The following PACS1 variants were observed in gnomAD, a reference collection of about 807,000 sequenced individuals.
The protein encoded by PACS1 is phosphofurin acidic cluster sorting protein 1, also known as PACS-1.
Under a neutral mutation model 115.0 loss-of-function variants are expected in PACS1, and 24 were observed. The observed-to-expected ratio is 0.21, with a 90% CI of 0.15 to 0.29. The LOEUF (loss-of-function observed/expected upper bound fraction) is 0.29, where lower values mean the gene tolerates loss of function less well. PACS1 is among the 10% of genes least tolerant of loss of function. The probability of loss-of-function intolerance (pLI) is 1.00; values close to 1 mark genes in which losing one functional copy is unlikely to be tolerated. For missense variants in PACS1, 838 were observed against 1,251.2 expected, an observed-to-expected ratio of 0.67 and a Z score of 4.98; for synonymous variants, 453 against 504.5, an observed-to-expected ratio of 0.90 and a Z score of 1.37.
chr11:66,113,468 G>C (rs1262633446), intron 1 of PACS1, among the ~76,000 whole-genome samples: 1 of 152,138 alleles, frequency 6.6e-6, no homozygotes, highest in Admixed American at 6.5e-5. Flanking sequence ...TACCATCAAG[G>C]CTAGTTGGGT....
intron 1 of PACS1, among the ~76,000 whole-genome samples, chr11:66,181,273 G>A (rs959918848): frequency 6.6e-6 from 1 of 150,388 alleles, no homozygotes; most frequent in Non-Finnish European, 1.5e-5. Context: ...GTGCAGTGTC[G>A]GGATCTCAGC....
At chr11:66,128,134 A>G (rs985173639) in intron 1 of PACS1, among the ~76,000 whole-genome samples, 5 of 152,218 alleles carry the variant, frequency 3.3e-5, no homozygotes, top group Non-Finnish European at 7.3e-5. Context: ...GAATGAACCA[A>G]TAGTCATATA....
intron 4 of PACS1, among the ~76,000 whole-genome samples, chr11:66,214,918 G>A (rs1264529155): frequency 2.0e-5 from 3 of 151,644 alleles, no homozygotes; most frequent in South Asian, 2.1e-4. Flanking sequence ...TACTGTGCCC[G>A]GCCAAGCAAC....
chr11:66,232,368 G>T, intron 14 of PACS1, 92 bp downstream of exon 14: 1 of 726,810 alleles, frequency 1.4e-6, no homozygotes, highest in Non-Finnish European at 2.4e-6. Flanking sequence ...TATTGCGTGG[G>T]GAGGTGGGGA....
Position 66,070,605 on chromosome 11 carries a change from A to AGCC in PACS1, c.125_127dup (p.Pro42dup), listed in dbSNP as rs1411370298. On this transcript the variant is annotated inframe_insertion, in exon 1 of 24. Coordinates refer to ENST00000320580, the MANE Select transcript of PACS1 (RefSeq NM_018026.4). This position sits in a 1 kb window ranked among gnomAD's most constrained non-coding sequence, Gnocchi z 5.9. The stretch of plus-strand genomic sequence containing the variant: ...CCGCCGCCGCAGCAGCAGCAGCAGC[A>AGCC]GCCGCCGCAGCAGCCGACGCCCCCC... 10 of 1,519,124 alleles carry AGCC rather than the reference A, an allele frequency of 6.6e-6. No individual in the cohort carries two copies. The highest frequency in any genetic ancestry group is 1.4e-5 in the African/African-American group (1 of 69,478). 94.1% of individuals were successfully genotyped at this position (1,519,124 alleles called of 1,614,324 possible).
chr11:66,164,693 C>T (rs1231000894), intron 1 of PACS1, among the ~76,000 whole-genome samples: 15 of 142,630 alleles, frequency 1.1e-4, no homozygotes, highest in African/African-American at 4.0e-4. Context: ...AAGTGATCCT[C>T]CTGCCTCAGC....
chr11:66,070,665 C>T lies in PACS1; in HGVS notation c.179C>T (p.Thr60Ile). Residue 60 changes from threonine to isoleucine, a missense_variant, in exon 1 of 24, where the codon ACC (threonine) becomes ATC (isoleucine). Physicochemically the swap from Thr to Ile is moderately conservative, Grantham distance 89 (BLOSUM62 -1). Coordinates refer to ENST00000320580, the MANE Select transcript of PACS1 (RefSeq NM_018026.4). This position sits in a 1 kb window ranked among gnomAD's most constrained non-coding sequence, Gnocchi z 5.9. ...LAQATSSSSS[T>I]SAAAASSSSS... ...CAGGCCACCTCGTCGTCCTCGTCCA[C>T]CTCGGCGGCGGCTGCCTCCTCCTCG... The T allele has an allele frequency of 1.9e-6, 3 of 1,570,892 alleles. No individual in the cohort carries two copies. Among genetic ancestry groups the T allele is most frequent in the Non-Finnish European group, 2.6e-6 (3 of 1,165,248 alleles).
At chr11:66,105,112 A>G (rs1858005122) in intron 1 of PACS1, among the ~76,000 whole-genome samples, 1 of 152,166 alleles carries the variant, frequency 6.6e-6, no homozygotes, top group Admixed American at 6.5e-5. Context: ...ACAATGGAGT[A>G]TTAAGCAGCA....
chr11:66,230,588 G>A lies in PACS1; in HGVS notation c.1415G>A (p.Ser472Asn). 1 of 1,614,144 alleles carries A rather than the reference G, an allele frequency of 6.2e-7. No individual in the cohort carries two copies. Among genetic ancestry groups the A allele is most frequent in the African/African-American group, 1.3e-5 (1 of 75,040 alleles). Residue 472 changes from serine to asparagine, a missense_variant, in exon 12 of 24, where the codon AGT becomes AAT. Physicochemically the swap from Ser to Asn is conservative, Grantham distance 46. This residue lies in a region of PACS1 where 383 missense variants were observed against 537.0 expected (regional missense o/e 0.71). Coordinates refer to ENST00000320580, the MANE Select transcript of PACS1 (RefSeq NM_018026.4). ...DQDMFGDAST[S>N]LVVPEKVKTP... ...GACATGTTTGGAGATGCCAGCACGA[G>A]TCTGGTTGTGCCGGAGAAAGTCAAA...
chr11:66,235,504 A>G lies in PACS1; in HGVS notation c.2207+101A>G. ...CACATTTTCCTTCTCCACATGCTATATTCCTTCATAGGAACCCAAAAGGAT... is the reference window on the plus strand; with the variant it reads ...CACATTTTCCTTCTCCACATGCTATGTTCCTTCATAGGAACCCAAAAGGAT... On this transcript the variant is annotated intron_variant, in intron 18 of 23. Transcript: ENST00000320580. This position sits in a 1 kb window ranked among gnomAD's most constrained non-coding sequence, Gnocchi z 5.6. 1.2e-6 allele frequency: 1 copy of G among 859,616 alleles called. No individual in the cohort carries two copies. 53.2% of individuals were successfully genotyped at this position (859,616 alleles called of 1,614,324 possible).
chr11:66,139,292 G>C (rs1000539814), intron 1 of PACS1, among the ~76,000 whole-genome samples: 2 of 152,172 alleles, frequency 1.3e-5, no homozygotes, highest in Non-Finnish European at 2.9e-5. Context: ...ATGAGGGTAA[G>C]TGGGGTGTCC....
chr11:66,079,069 G>A (rs1344277303), intron 1 of PACS1, among the ~76,000 whole-genome samples: 8 of 152,074 alleles, frequency 5.3e-5, no homozygotes, highest in Admixed American at 2.0e-4. Context: ...CACCATGCCC[G>A]ACTAATTTTT....
chr11:66,218,690 T>G (rs1855270282), intron 7 of PACS1: 1 of 151,882 alleles, frequency 6.6e-6, no homozygotes, highest in South Asian at 2.1e-4. Flanking sequence ...TGAAACCCCG[T>G]CTCTACTAAA....
At chr11:66,117,692 C>A (rs1858335891) in intron 1 of PACS1, among the ~76,000 whole-genome samples, 1 of 151,308 alleles carries the variant, frequency 6.6e-6, no homozygotes, top group South Asian at 2.1e-4. Flanking sequence ...ACTAAAAATA[C>A]AAAATTAGCT....
chr11:66,166,984 GATGA>G (rs1342655411), intron 1 of PACS1, among the ~76,000 whole-genome samples: 3 of 150,324 alleles, frequency 2.0e-5, no homozygotes, highest in Non-Finnish European at 4.4e-5. Flanking sequence ...AGCCTCAAAA[GATGA>G]TGCCTAATAG....
intron 2 of PACS1, among the ~76,000 whole-genome samples, chr11:66,202,681 G>T (rs1007015062): frequency 7.8e-6 from 1 of 128,462 alleles, no homozygotes; most frequent in African/African-American, 3.0e-5. Flanking sequence ...TTGAGGCCAA[G>T]AATTTGAGAC....
At position 66,232,201 on chromosome 11, in the gene PACS1, C is replaced by T. The variant is rs1325094222; in HGVS notation, c.1656C>T (p.Leu552=). 6.2e-7 allele frequency: 1 copy of T among 1,612,860 alleles called. No individual in the cohort carries two copies. The part of the protein sequence containing the change: ...QIPRKVVYDQ[L]NQILVSDAAL... ...CAAGAAAGGTGGTGTATGACCAGCT[C>T]AATCAGATCCTGGTGTCAGATGCAG... The change falls in exon 14 of 24, where the codon CTC becomes CTT. Residue 552 remains leucine, a synonymous_variant. Transcript: ENST00000320580.
At chr11:66,162,119 T>G (rs1196882794) in intron 1 of PACS1, among the ~76,000 whole-genome samples, 2 of 120,234 alleles carry the variant, frequency 1.7e-5, no homozygotes, top group Non-Finnish European at 3.6e-5. Context: ...GTGGTTTTTT[T>G]TTTTTTTTTT....
intron 1 of PACS1, among the ~76,000 whole-genome samples, chr11:66,101,206 CACTT>C (rs1450620267): frequency 6.6e-6 from 1 of 152,082 alleles, no homozygotes; most frequent in African/African-American, 2.4e-5. Context: ...AAGTTTTAAA[CACTT>C]ACATCTACTG....
Sources: gnomAD v4.1 joint callset for allele counts (sites outside exome capture counted in the v4.1 genomes callset) on GRCh38, gnomAD v4.1.1 for gene constraint, gnomAD v4.1.1 regional missense constraint, Gnocchi (gnomAD v3.1) non-coding constraint, MANE v1.5 for transcripts, NCBI Gene and HGNC (gene_info 2026-07-23, HGNC 2026-07-21) for gene names.